The following PBX3 variants were observed in gnomAD, a reference collection of about 807,000 sequenced individuals.
PBX3 encodes pre-B-cell leukemia transcription factor 3.
In PBX3, 14 loss-of-function variants were observed where a neutral mutation model predicts 48.5. The ratio of observed to expected loss-of-function variants is 0.29; its 90% CI spans 0.19 to 0.45. PBX3 has a LOEUF of 0.45. Among genes scored for constraint, PBX3 ranks in the 20% least tolerant of loss-of-function variants. The probability of loss-of-function intolerance (pLI) is 1.00; values close to 1 mark genes in which losing one functional copy is unlikely to be tolerated. For synonymous variants in PBX3, 210 were observed against 200.3 expected (o/e 1.05, Z -0.41); for missense variants, 386 against 546.7 (o/e 0.71, Z 2.93).
chr9:125,770,699 C>G (rs977423568), intron 2 of PBX3, among the ~76,000 whole-genome samples: 3 of 152,038 alleles, frequency 2.0e-5, no homozygotes, highest in Non-Finnish European at 4.4e-5. Context: ...GCAAATCAGA[C>G]TTGGAAGCTG....
chr9:125,963,352 G>A (rs1044208662), intron 8 of PBX3, among the ~76,000 whole-genome samples: 2 of 152,114 alleles, frequency 1.3e-5, no homozygotes, highest in Non-Finnish European at 2.9e-5. Flanking sequence ...CCATTAAGAC[G>A]CCATTTCCTA....
At position 125,888,955 on chromosome 9, in the gene PBX3, C is replaced by A. The variant is rs114005833; in HGVS notation, c.275-26731C>A. ...TGAGTATGAAGTGAAAATGTTTTTC[C>A]AAAAATGTACATTTTTGGGTGTAAA... On this transcript the variant is annotated intron_variant, in intron 2 of 8. Coordinates refer to ENST00000373489, the MANE Select transcript of PBX3 (RefSeq NM_006195.6). 4.5e-3 allele frequency among the ~76,000 whole-genome samples: 679 copies of A among 152,008 alleles called. 8 individuals are homozygous for A. Among genetic ancestry groups the A allele is most frequent in the African/African-American group, 0.016 (654 of 41,434 alleles).
At chr9:125,816,159 GTTTTTGT>G (rs1305326908) in intron 2 of PBX3, among the ~76,000 whole-genome samples, 3 of 151,964 alleles carry the variant, frequency 2.0e-5, no homozygotes, top group South Asian at 2.1e-4. Flanking sequence ...GCTAATTTTG[GTTTTTGT>G]TTTTTGTTTT....
intron 2 of PBX3, chr9:125,844,695 C>T (rs1839381516): frequency 6.6e-6 from 1 of 152,152 alleles, no homozygotes; most frequent in Admixed American, 6.5e-5. Flanking sequence ...ACCTTAATTG[C>T]TGAGTGTAAT....
intron 5 of PBX3, among the ~76,000 whole-genome samples, chr9:125,936,309 A>G (rs1346598737): frequency 6.6e-6 from 1 of 152,232 alleles, no homozygotes; most frequent in Non-Finnish European, 1.5e-5. Flanking sequence ...TAGAACATAA[A>G]TATATCGTAT....
At chr9:125,807,360 C>G (rs1202586754) in intron 2 of PBX3, among the ~76,000 whole-genome samples, 1 of 151,030 alleles carries the variant, frequency 6.6e-6, no homozygotes, top group Non-Finnish European at 1.5e-5. Flanking sequence ...AAAATATTAA[C>G]AGAAGGAGTG....
chr9:125,845,752 A>G (rs527303693), intron 2 of PBX3, among the ~76,000 whole-genome samples: 2 of 152,158 alleles, frequency 1.3e-5, no homozygotes, highest in Non-Finnish European at 2.9e-5. Context: ...TGAGTTTATA[A>G]TATTTGAAGC....
intron 6 of PBX3, among the ~76,000 whole-genome samples, chr9:125,961,554 C>G (rs998963592): frequency 6.6e-6 from 1 of 152,170 alleles, no homozygotes; most frequent in Non-Finnish European, 1.5e-5. Context: ...CTGAGAAGGT[C>G]TCTTAGCTAT....
intron 2 of PBX3, among the ~76,000 whole-genome samples, chr9:125,773,647 G>A (rs188366286): frequency 2.6e-5 from 4 of 152,298 alleles, no homozygotes; most frequent in African/African-American, 9.6e-5. Context: ...AAGGGCGTCT[G>A]TTTCTAGCAT....
chr9:125,955,057 T>C (rs955843731), intron 5 of PBX3, among the ~76,000 whole-genome samples: 13 of 152,196 alleles, frequency 8.5e-5, no homozygotes, highest in Non-Finnish European at 8.8e-5. Flanking sequence ...TCCATGATTT[T>C]TTAAAATTAA....
chr9:125,803,585 G>C (rs753492911), intron 2 of PBX3, among the ~76,000 whole-genome samples: 4 of 152,098 alleles, frequency 2.6e-5, no homozygotes, highest in Admixed American at 6.5e-5. Flanking sequence ...TTTCAATCCA[G>C]GATTTTCTGA....
chr9:125,836,696 A>G (rs955059124), intron 2 of PBX3, among the ~76,000 whole-genome samples: 17 of 152,228 alleles, frequency 1.1e-4, no homozygotes, highest in Admixed American at 2.6e-4. Context: ...ATAAATGTTT[A>G]AGATGATGGA....
intron 2 of PBX3, among the ~76,000 whole-genome samples, chr9:125,868,981 C>T (rs1021576609): frequency 6.6e-6 from 1 of 152,062 alleles, no homozygotes; most frequent in Non-Finnish European, 1.5e-5. Context: ...GTTAAAAAAG[C>T]CACCATGACT....
At chr9:125,894,065 C>T (rs990157617) in intron 2 of PBX3, among the ~76,000 whole-genome samples, 3 of 152,102 alleles carry the variant, frequency 2.0e-5, no homozygotes, top group Admixed American at 6.5e-5. Context: ...TTGCACAAAG[C>T]ATAAAACACT....
At chr9:125,808,113 G>A (rs912055926) in intron 2 of PBX3, among the ~76,000 whole-genome samples, 13 of 152,144 alleles carry the variant, frequency 8.5e-5, no homozygotes, top group Admixed American at 8.5e-4. Flanking sequence ...GGAGATTCTG[G>A]ATGGTGGTAA....
chr9:125,876,661 A>G (rs60881210), intron 2 of PBX3, among the ~76,000 whole-genome samples: 17 of 152,284 alleles, frequency 1.1e-4, no homozygotes, highest in African/African-American at 4.1e-4. Flanking sequence ...TATTAGAAGT[A>G]AAGTTTTTGG....
At chr9:125,963,194 C>T in intron 8 of PBX3, 93 bp downstream of exon 8, 1 of 623,288 alleles carries the variant, frequency 1.6e-6, no homozygotes, top group Non-Finnish European at 2.7e-6. Context: ...GGCTTCTCAT[C>T]TTCTTGGCAG....
intron 2 of PBX3, among the ~76,000 whole-genome samples, chr9:125,769,043 C>T (rs1836874668): frequency 6.6e-6 from 1 of 152,020 alleles, no homozygotes; most frequent in Non-Finnish European, 1.5e-5. Context: ...TGGCATGCAG[C>T]CTAAGTGCTT....
At chr9:125,822,853 A>C (rs1838692867) in intron 2 of PBX3, among the ~76,000 whole-genome samples, 1 of 152,090 alleles carries the variant, frequency 6.6e-6, no homozygotes, top group Non-Finnish European at 1.5e-5. Flanking sequence ...CTCAACCTTA[A>C]TTCAGTACTT....
Sources: allele counts gnomAD v4.1 joint callset (sites outside exome capture counted in the v4.1 genomes callset), GRCh38; gene constraint gnomAD v4.1.1; transcripts MANE v1.5; gene names NCBI Gene and HGNC (gene_info 2026-07-23, HGNC 2026-07-21).